MGMT: variants seen among roughly 807,000 people sequenced by gnomAD.
The protein encoded by MGMT is methylated-DNA--protein-cysteine methyltransferase.
A neutral mutation model predicts 15.9 loss-of-function variants in MGMT; 14 were observed. The observed-to-expected ratio is 0.88, with a 90% confidence interval of 0.58 to 1.37. The LOEUF is 1.37. MGMT is among the 40% of genes most tolerant of loss of function. MGMT has a pLI of 0.00. For synonymous variants in MGMT, 130 were observed against 118.2 expected, an observed-to-expected ratio of 1.10 and a Z score of -0.65; for missense variants, 282 against 268.1, an observed-to-expected ratio of 1.05 and a Z score of -0.36.
intron 1 of MGMT, among the ~76,000 whole-genome samples, chr10:129,489,359 CAAA>C (rs34274988): frequency 1.9e-4 from 11 of 57,344 alleles, no homozygotes; most frequent in African/African-American, 3.0e-4. Flanking sequence ...GACTCTGTCT[CAAA>C]AAAAAAAAAA....
At chr10:129,637,036 C>G (rs139715784) in intron 2 of MGMT, among the ~76,000 whole-genome samples, 122 of 152,326 alleles carry the variant, frequency 8.0e-4, no homozygotes, top group African/African-American at 2.8e-3. Context: ...TTGTTTCTCA[C>G]ATATTTTACA....
intron 1 of MGMT, among the ~76,000 whole-genome samples, chr10:129,488,243 G>A (rs1017407335): frequency 2.0e-5 from 3 of 152,090 alleles, no homozygotes; most frequent in Non-Finnish European, 4.4e-5. Flanking sequence ...ACCAAAACTT[G>A]GAGTTATCAT....
chr10:129,536,661 C>T, intron 2 of MGMT: 1 of 282,078 alleles, frequency 3.5e-6, no homozygotes, highest in Non-Finnish European at 6.5e-6. Flanking sequence ...TGTACGTTTA[C>T]AGAGGAGTTG....
At chr10:129,691,204 T>C (rs1847965773) in intron 2 of MGMT, among the ~76,000 whole-genome samples, 1 of 152,210 alleles carries the variant, frequency 6.6e-6, no homozygotes, top group Non-Finnish European at 1.5e-5. Context: ...GTGGCTGATC[T>C]GGATAGGCAG....
At chr10:129,484,548 A>G (rs1465602858) in intron 1 of MGMT, among the ~76,000 whole-genome samples, 5 of 152,046 alleles carry the variant, frequency 3.3e-5, no homozygotes, top group Non-Finnish European at 7.4e-5. Flanking sequence ...AACTGTTTTT[A>G]TGTCCCAGTC....
At chr10:129,499,333 G>A (rs12247145) in intron 1 of MGMT, among the ~76,000 whole-genome samples, 8,946 of 152,196 alleles carry the variant, frequency 0.059, 880 homozygotes, top group African/African-American at 0.2. Flanking sequence ...TACTTATTTC[G>A]TTACTCAGCT....
intron 1 of MGMT, among the ~76,000 whole-genome samples, chr10:129,518,770 A>G (rs906210048): frequency 4.2e-4 from 64 of 151,284 alleles, no homozygotes; most frequent in African/African-American, 1.3e-3. Context: ...TGTTATCATT[A>G]AGACTTCCAT....
At position 129,767,820 on chromosome 10, in the gene MGMT, C is replaced by T. The variant is rs1848956423; in HGVS notation, c.*823C>T. The T allele has an allele frequency of 6.6e-6, 1 of 152,206 alleles. No homozygotes were observed. Among genetic ancestry groups the T allele is most frequent in the Admixed American group, 6.5e-5 (1 of 15,276 alleles). The allele number at this position is 152,206 out of a possible 1,614,324, so 9.4% of individuals were successfully genotyped here. A position where few individuals can be genotyped will look rare whatever the true frequency, so the allele number is the denominator to read the frequency against. On this transcript the variant is annotated 3_prime_UTR_variant, in exon 5 of 5. Transcript: ENST00000651593. ...ATGGGCCTGTTAGGACCCCAGCACC[C>T]CAGTGTCGATCCTGGAAGTCAAAGG...
At chr10:129,741,624 A>T (rs1848634600) in intron 3 of MGMT, among the ~76,000 whole-genome samples, 1 of 152,170 alleles carries the variant, frequency 6.6e-6, no homozygotes, top group African/African-American at 2.4e-5. Flanking sequence ...TTTTCTTCCC[A>T]GCTTACCATT....
At chr10:129,670,048 C>T (rs1262684349) in intron 2 of MGMT, among the ~76,000 whole-genome samples, 1 of 152,044 alleles carries the variant, frequency 6.6e-6, no homozygotes, top group Non-Finnish European at 1.5e-5. Context: ...CTTTGTGATA[C>T]AGTATGTCAG....
intron 2 of MGMT, among the ~76,000 whole-genome samples, chr10:129,571,468 G>A (rs1172277002): frequency 6.6e-6 from 1 of 152,186 alleles, no homozygotes; most frequent in African/African-American, 2.4e-5. Context: ...TACAACGTAT[G>A]GCTGCTGTTT....
chr10:129,759,473 T>A, intron 4 of MGMT, 132 bp downstream of exon 4: 1 of 1,369,506 alleles, frequency 7.3e-7, no homozygotes, highest in Non-Finnish European at 1.0e-6. Context: ...ATATCTGTGA[T>A]GGGGACCATT....
chr10:129,669,883 A>G (rs80301289), intron 2 of MGMT, among the ~76,000 whole-genome samples: 5,997 of 152,290 alleles, frequency 0.039, 398 homozygotes, highest in African/African-American at 0.14. Flanking sequence ...GGTTGAATTT[A>G]TTTTTAAAAA....
intron 2 of MGMT, among the ~76,000 whole-genome samples, chr10:129,598,179 G>A (rs1218521123): frequency 6.6e-6 from 1 of 152,206 alleles, no homozygotes; most frequent in Non-Finnish European, 1.5e-5. Context: ...GTGGGTGCAT[G>A]GAGCATCCCT....
chr10:129,707,955 C>T lies in MGMT; in HGVS notation c.186C>T (p.Cys62=). 1 of 1,613,442 alleles carries T rather than the reference C, an allele frequency of 6.2e-7. No individual in the cohort carries two copies. The highest frequency in any genetic ancestry group is 1.3e-5 in the African/African-American group (1 of 75,036). ...VLGGPEPLMQ[C]TAWLNAYFHQ... Reference sequence around the variant, plus strand: ...GAGGTCCGGAGCCCCTGATGCAGTGCACAGCCTGGCTGAATGCCTATTTCC... The same window carrying T: ...GAGGTCCGGAGCCCCTGATGCAGTGTACAGCCTGGCTGAATGCCTATTTCC... Residue 62 remains cysteine (C), a synonymous_variant, in exon 3 of 5, where the codon TGC becomes TGT. Coordinates refer to ENST00000651593, the MANE Select transcript of MGMT (RefSeq NM_002412.5).
intron 1 of MGMT, among the ~76,000 whole-genome samples, chr10:129,517,322 G>A (rs141412120): frequency 6.6e-5 from 10 of 152,310 alleles, no homozygotes; most frequent in African/African-American, 1.4e-4. Flanking sequence ...GAGGAAACAC[G>A]CAGCCCAGCA....
chr10:129,536,301 G>A lies in MGMT; in HGVS notation c.49G>A (p.Gly17Arg). 2 of 1,614,072 alleles carry A rather than the reference G, an allele frequency of 1.2e-6. No individual in the cohort carries two copies. The highest frequency in any genetic ancestry group is 2.2e-5 in the South Asian group (2 of 91,056). ...ACGCACCACACTGGACAGCCCTTTG[G>A]GGAAGCTGGAGCTGTCTGGTTGTGA... ...MKRTTLDSPL[G>R]KLELSGCEQG... Residue 17 changes from glycine (G) to arginine (R), a missense_variant, in exon 2 of 5, where the codon GGG (glycine) becomes AGG (arginine). Coordinates refer to ENST00000651593, the MANE Select transcript of MGMT (RefSeq NM_002412.5).
intron 1 of MGMT, among the ~76,000 whole-genome samples, chr10:129,517,600 C>T (rs1001991443): frequency 6.6e-6 from 1 of 152,218 alleles, no homozygotes; most frequent in Non-Finnish European, 1.5e-5. Flanking sequence ...TGCGCTGGGG[C>T]TCACCTGTCT....
chr10:129,471,049 C>T (rs1845224984), intron 1 of MGMT, among the ~76,000 whole-genome samples: 1 of 152,188 alleles, frequency 6.6e-6, no homozygotes, highest in Admixed American at 6.5e-5. Context: ...CCCTGCCGCC[C>T]ATTCCCAGAA....
Sources: allele counts gnomAD v4.1 joint callset (sites outside exome capture counted in the v4.1 genomes callset), GRCh38; gene constraint gnomAD v4.1.1; transcripts MANE v1.5; gene names NCBI Gene and HGNC (gene_info 2026-07-23, HGNC 2026-07-21).